Variants in DST observed in about 807,000 individuals in gnomAD.
DST encodes the protein dystonin.
A neutral mutation model predicts 875.2 loss-of-function variants in DST; 253 were observed. The observed-to-expected ratio is 0.29, with a 90% CI of 0.26 to 0.32. The LOEUF is 0.32. DST is among the 10% of genes least tolerant of loss of function. The probability of loss-of-function intolerance (pLI) is 1.00; values close to 1 mark genes in which losing one functional copy is unlikely to be tolerated. For synonymous variants in DST, 3,124 were observed against 3,197.1 expected (o/e 0.98, Z 0.77); for missense variants, 8,287 against 9,111.6 (o/e 0.91, Z 3.68).
intron 2 of DST, among the ~76,000 whole-genome samples, chr6:56,928,336 G>A (rs974208670): frequency 7.2e-5 from 11 of 151,948 alleles, no homozygotes; most frequent in Non-Finnish European, 1.3e-4. Context: ...CCCCTCCAGT[G>A]CCCCCTATTG....
chr6:56,645,941 T>C lies in DST; in HGVS notation c.1703A>G (p.Asp568Gly), dbSNP rs761425191. 6.2e-7 allele frequency: 1 copy of C among 1,613,870 alleles called. No individual in the cohort carries two copies. Among genetic ancestry groups the C allele is most frequent in the Non-Finnish European group, 8.5e-7 (1 of 1,179,786 alleles). ...GAGTTTCCCCCACTCTTTTTCTATG[T>C]CATTTGGATGATAACCTTGAAGGAG... Reference protein sequence around the residue: ...IKLLQGYHPNDIEKEWGKLII... With the variant: ...IKLLQGYHPNGIEKEWGKLII... The change falls in exon 15 of 104, where the codon GAC (aspartate) becomes GGC (glycine). Residue 568 changes from aspartate (D) to glycine (G), a missense_variant. Around this residue, in one of 10 missense-constraint regions of DST, gnomAD observed 1,160 missense variants for 1,424.3 expected, o/e 0.81. Coordinates refer to ENST00000680361, the MANE Select transcript of DST (RefSeq NM_001374736.1).
chr6:56,514,352 A>T (rs575917184), intron 72 of DST, among the ~76,000 whole-genome samples: 4 of 152,326 alleles, frequency 2.6e-5, no homozygotes, highest in African/African-American at 9.6e-5. Flanking sequence ...AGAACTCCAT[A>T]AGATTCCTGT....
chr6:56,713,445 A>G (rs2099384811), intron 5 of DST, among the ~76,000 whole-genome samples: 1 of 152,198 alleles, frequency 6.6e-6, no homozygotes. Context: ...AACCTCAAAA[A>G]TTAACTTCAT....
chr6:56,472,591 T>TA (rs1209649656), intron 93 of DST, among the ~76,000 whole-genome samples: 1 of 152,154 alleles, frequency 6.6e-6, no homozygotes, highest in Non-Finnish European at 1.5e-5. Context: ...GAGACTACCT[T>TA]ACAATGACTT....
intron 9 of DST, among the ~76,000 whole-genome samples, chr6:56,690,407 G>C (rs771471213): frequency 6.6e-6 from 1 of 152,044 alleles, no homozygotes; most frequent in Non-Finnish European, 1.5e-5. Context: ...AGCAGGAAGG[G>C]CTGGATGAAT....
chr6:56,551,937 T>C (rs58633665), intron 61 of DST, among the ~76,000 whole-genome samples: 1,790 of 152,312 alleles, frequency 0.012, 46 homozygotes, highest in African/African-American at 0.041. Flanking sequence ...CTGGCTTGCC[T>C]GGAACTTTGC....
At chr6:56,669,595 C>CAAAAA (rs531095657) in intron 10 of DST, among the ~76,000 whole-genome samples, 1 of 89,344 alleles carries the variant, frequency 1.1e-5, no homozygotes, top group Non-Finnish European at 2.6e-5. Flanking sequence ...GACTTCATCT[C>CAAAAA]AAAAAAAAAA....
At position 56,603,327 on chromosome 6, in the gene DST, G is replaced by A. The variant is rs1184228614; in HGVS notation, c.11035C>T (p.Pro3679Ser). The A allele has an allele frequency of 6.2e-7, 1 of 1,611,034 alleles. No homozygotes were observed. Among genetic ancestry groups the A allele is most frequent in the African/African-American group, 1.3e-5 (1 of 74,828 alleles). Residue 3679 changes from proline to serine, a missense_variant, in exon 42 of 104, where the codon CCC becomes TCC. Around this residue, in one of 10 missense-constraint regions of DST, gnomAD observed 3,138 missense variants for 3,116.6 expected, o/e 1.01. Transcript: ENST00000680361. Reference sequence around the variant, plus strand: ...CTCAATTCTTCAACATGGCCTCTGGGAAAGTCACTGGGAAGAGACTTTAAA... The same window carrying A: ...CTCAATTCTTCAACATGGCCTCTGGAAAAGTCACTGGGAAGAGACTTTAAA... ...EFLKSLPSDF[P>S]RGHVEELSIS... is the part of the protein sequence containing the mutation.
chr6:56,932,205 G>A (rs1471938548), intron 2 of DST, among the ~76,000 whole-genome samples: 1 of 152,150 alleles, frequency 6.6e-6, no homozygotes, highest in East Asian at 1.9e-4. Flanking sequence ...AGCTTCAGGA[G>A]ATCTGATGGT....
intron 36 of DST, chr6:56,619,654 A>G (rs909366010): frequency 1.2e-6 from 2 of 1,613,714 alleles, no homozygotes; most frequent in South Asian, 1.1e-5. Context: ...TCTTGAGATC[A>G]CTAGCTTCTT....
chr6:56,536,839 A>G lies in DST; in HGVS notation c.16710T>C (p.Thr5570=). ...LIQSAAKSTS[T]QGLEHDLDDV... ...CATCCAGGTCATGCTCCAAGCCCTGAGTGCTAGTGCTTTTGGCAGCACTCT... is the reference window on the plus strand; with the variant it reads ...CATCCAGGTCATGCTCCAAGCCCTGGGTGCTAGTGCTTTTGGCAGCACTCT... The change falls in exon 62 of 104, where the codon ACT becomes ACC. Residue 5570 remains threonine, a synonymous_variant. Coordinates refer to ENST00000680361, the MANE Select transcript of DST (RefSeq NM_001374736.1). 1 of 1,612,174 alleles carries G rather than the reference A, an allele frequency of 6.2e-7. No individual in the cohort carries two copies. The highest frequency in any genetic ancestry group is 8.5e-7 in the Non-Finnish European group (1 of 1,178,980).
intron 36 of DST, chr6:56,617,853 T>C (rs1424892616): frequency 8.0e-6 from 6 of 750,054 alleles, no homozygotes; most frequent in Non-Finnish European, 1.4e-5. Context: ...AGTATAGCAT[T>C]ATTTTCCTGT....
Position 56,953,771 on chromosome 6 carries a change from G to A in DST, c.216+14C>T. 7.6e-7 allele frequency: 1 copy of A among 1,312,958 alleles called. No individual in the cohort carries two copies. The highest frequency in any genetic ancestry group is 1.0e-6 in the Non-Finnish European group (1 of 992,740). The allele number at this position is 1,312,958 out of a possible 1,614,324, so 81.3% of individuals were successfully genotyped here. A position where few individuals can be genotyped will look rare whatever the true frequency, so the allele number is the denominator to read the frequency against. On this transcript the variant is annotated intron_variant, in intron 2 of 103. Transcript: ENST00000680361. ...ACTTCTTCTGACCTTGAGCGTGCGC[G>A]CTAAATAAATTACCTCAGAACGAAA...
rs190548905 is a variant in DST, at chr6:56,628,538, A to G, written c.4476-377T>C. On this transcript the variant is annotated intron_variant, in intron 32 of 103. Transcript: ENST00000680361. ...TTTGAAATAACGATAAGGTAGTCCA[A>G]TGAATGGTTCAACATGGTCTCAGAG... 2.3e-4 allele frequency among the ~76,000 whole-genome samples: 35 copies of G among 152,342 alleles called. No homozygotes were observed. In the East Asian group the frequency reaches 6.5e-3, roughly 29 times the overall value.
chr6:56,510,495 T>C (rs1253895336), intron 73 of DST, among the ~76,000 whole-genome samples: 1 of 152,172 alleles, frequency 6.6e-6, no homozygotes, highest in Non-Finnish European at 1.5e-5. Context: ...ATTTACTTCA[T>C]GGTTAAACAC....
At chr6:56,649,575 T>C (rs2098962567) in intron 12 of DST, among the ~76,000 whole-genome samples, 1 of 143,206 alleles carries the variant, frequency 7.0e-6, no homozygotes, top group South Asian at 2.3e-4. Flanking sequence ...TAATTATTGA[T>C]GGGGGGAGGT....
intron 4 of DST, among the ~76,000 whole-genome samples, chr6:56,778,522 A>G: frequency 7.4e-6 from 1 of 135,542 alleles, no homozygotes; most frequent in Non-Finnish European, 1.6e-5. Flanking sequence ...TCCAAATGGT[A>G]TCCCTCCCCC....
chr6:56,644,687 G>T (rs2098931899), intron 15 of DST, among the ~76,000 whole-genome samples: 2 of 152,200 alleles, frequency 1.3e-5, no homozygotes, highest in Admixed American at 1.3e-4. Context: ...GGGAACCATG[G>T]AAAGTTTCTC....
At chr6:56,795,823 G>A (rs1330177462) in intron 4 of DST, among the ~76,000 whole-genome samples, 1 of 152,186 alleles carries the variant, frequency 6.6e-6, no homozygotes, top group Non-Finnish European at 1.5e-5. Context: ...AGATCAATCA[G>A]CGCTTTCAAA....
Sources: gnomAD v4.1 joint callset for allele counts (sites outside exome capture counted in the v4.1 genomes callset) on GRCh38, gnomAD v4.1.1 for gene constraint, gnomAD v4.1.1 regional missense constraint, MANE v1.5 for transcripts, NCBI Gene and HGNC (gene_info 2026-07-23, HGNC 2026-07-21) for gene names.